TPTE: variants seen among roughly 807,000 people sequenced by gnomAD.
TPTE encodes putative tyrosine-protein phosphatase TPTE.
TPTE carries 59 observed loss-of-function variants against 84.1 expected under a neutral mutation model. The observed-to-expected ratio is 0.70, with a 90% CI of 0.57 to 0.87. The LOEUF (loss-of-function observed/expected upper bound fraction) is 0.87, where lower values mean the gene tolerates loss of function less well. Among genes scored for constraint, TPTE ranks in the 40% least tolerant of loss-of-function variants. TPTE has a pLI of 0.00. For missense variants in TPTE, 382 were observed against 659.6 expected, an observed-to-expected ratio of 0.58 and a Z score of 4.61; for synonymous variants, 130 against 223.5, an observed-to-expected ratio of 0.58 and a Z score of 3.73.
At chr21:10,592,805 G>GGTGTGT (rs4041809) in intron 19 of TPTE, among the ~76,000 whole-genome samples, 5,269 of 146,882 alleles carry the variant, frequency 0.036, 2 homozygotes, top group African/African-American at 0.097. Context: ...GATGACTCCT[G>GGTGTGT]GTGTGTGTGT....
At chr21:10,567,227 A>G (rs184524075) in intron 10 of TPTE, among the ~76,000 whole-genome samples, 41 of 152,372 alleles carry the variant, frequency 2.7e-4, no homozygotes, top group Non-Finnish European at 5.3e-4. Context: ...TGGGTACAAA[A>G]AAATAGAATG....
At chr21:10,576,602 T>C (rs2075156293) in intron 14 of TPTE, 1 of 152,602 alleles carries the variant, frequency 6.6e-6, no homozygotes. Flanking sequence ...TGGATGACTT[T>C]GATACCTTCA....
rs747052772 is a variant in TPTE at position 10,605,379 on chromosome 21, C to T, written c.1521-38C>T. On this transcript the variant is annotated intron_variant, in intron 23 of 23. Coordinates refer to ENST00000618007, the MANE Select transcript of TPTE (RefSeq NM_199261.4). ...CCCAACTGTGTGGCTTTTCAGTGAG[C>T]CCCAATATAAAATGTAATAATTTTT... 5.0e-6 allele frequency: 8 copies of T among 1,605,956 alleles called. No individual in the cohort carries two copies. In the South Asian group the frequency reaches 7.8e-5, roughly 16 times the overall value.
At chr21:10,575,112 G>A (rs1347418745) in intron 14 of TPTE, among the ~76,000 whole-genome samples, 14 of 152,292 alleles carry the variant, frequency 9.2e-5, no homozygotes, top group African/African-American at 2.4e-4. Flanking sequence ...CTGAGTTCCC[G>A]GGGAGGTGGC....
chr21:10,557,196 GTTGC>G (rs1568971478), intron 8 of TPTE, among the ~76,000 whole-genome samples: 13 of 152,308 alleles, frequency 8.5e-5, no homozygotes, highest in Non-Finnish European at 1.9e-4. Flanking sequence ...TATGCTTCGT[GTTGC>G]TTCATGTTGG....
intron 9 of TPTE, among the ~76,000 whole-genome samples, chr21:10,560,340 A>G (rs2145673905): frequency 6.6e-6 from 1 of 152,426 alleles, no homozygotes; most frequent in South Asian, 2.1e-4. Flanking sequence ...TTCCTTTTGA[A>G]TTAATAATAT....
At chr21:10,547,890 G>A (rs1371474786) in intron 7 of TPTE, among the ~76,000 whole-genome samples, 3 of 152,304 alleles carry the variant, frequency 2.0e-5, no homozygotes, top group Non-Finnish European at 4.4e-5. Context: ...TCTTAAGACA[G>A]CCAAACCACT....
chr21:10,557,304 C>G (rs2074703486), intron 8 of TPTE, among the ~76,000 whole-genome samples: 1 of 152,308 alleles, frequency 6.6e-6, no homozygotes, highest in African/African-American at 2.4e-5. Flanking sequence ...CTGCACATAA[C>G]TGCTTGAAGC....
chr21:10,582,690 A>G (rs536606152), intron 17 of TPTE, among the ~76,000 whole-genome samples: 44 of 152,350 alleles, frequency 2.9e-4, no homozygotes, highest in Non-Finnish European at 5.6e-4. Flanking sequence ...CTTTTTTTCT[A>G]TTACATTTGG....
At chr21:10,538,588 G>A (rs2074309702) in intron 3 of TPTE, 93 bp from the exon 4 acceptor site, 1 of 1,576,828 alleles carries the variant, frequency 6.3e-7, no homozygotes, top group Non-Finnish European at 8.7e-7. Context: ...AACTTAACTG[G>A]TTTATGTGCA....
chr21:10,561,997 C>T (rs2145679140), intron 10 of TPTE, among the ~76,000 whole-genome samples: 1 of 152,428 alleles, frequency 6.6e-6, no homozygotes, highest in African/African-American at 2.4e-5. Flanking sequence ...CACAGAGGTG[C>T]TTATGTCACT....
chr21:10,592,426 G>A, intron 19 of TPTE, 53 bp downstream of exon 19: 1 of 1,595,974 alleles, frequency 6.3e-7, no homozygotes, highest in Non-Finnish European at 8.6e-7. Flanking sequence ...GGTTCAGATT[G>A]CCACCTGTTA....
At chr21:10,553,096 C>A (rs1333198382) in intron 8 of TPTE, among the ~76,000 whole-genome samples, 1 of 152,302 alleles carries the variant, frequency 6.6e-6, no homozygotes, top group Non-Finnish European at 1.5e-5. Flanking sequence ...TGCCTATGAG[C>A]AAATAGTATT....
At chr21:10,586,063 T>A (rs1243205368) in intron 17 of TPTE, among the ~76,000 whole-genome samples, 1 of 152,284 alleles carries the variant, frequency 6.6e-6, no homozygotes, top group African/African-American at 2.4e-5. Flanking sequence ...TTTTTACTTA[T>A]TTTTTATTTC....
intron 8 of TPTE, among the ~76,000 whole-genome samples, chr21:10,556,172 C>T (rs2074679472): frequency 6.6e-6 from 1 of 152,312 alleles, no homozygotes; most frequent in South Asian, 2.1e-4. Flanking sequence ...AGGTGTATCT[C>T]CTAATGCTAT....
intron 10 of TPTE, among the ~76,000 whole-genome samples, chr21:10,563,012 G>A (rs1310693321): frequency 6.6e-6 from 1 of 152,304 alleles, no homozygotes; most frequent in Non-Finnish European, 1.5e-5. Flanking sequence ...AGCAGCAAGA[G>A]AAAAGAAACC....
At chr21:10,574,500 C>G (rs1242605525) in intron 14 of TPTE, among the ~76,000 whole-genome samples, 1 of 152,310 alleles carries the variant, frequency 6.6e-6, no homozygotes, top group African/African-American at 2.4e-5. Flanking sequence ...TAGAGTGATG[C>G]AAGATGGCCA....
At chr21:10,546,361 T>C (rs531466055) in intron 7 of TPTE, among the ~76,000 whole-genome samples, 2 of 152,416 alleles carry the variant, frequency 1.3e-5, no homozygotes, top group East Asian at 3.9e-4. Flanking sequence ...ATCTCTCTCC[T>C]TCTCCTTGGG....
chr21:10,596,966 TAAATG>T (rs2075599958), intron 20 of TPTE, among the ~76,000 whole-genome samples: 1 of 152,294 alleles, frequency 6.6e-6, no homozygotes, highest in Non-Finnish European at 1.5e-5. Context: ...AAAACAAAAT[TAAATG>T]AAAACAAACA....
Sources: allele counts gnomAD v4.1 joint callset (sites outside exome capture counted in the v4.1 genomes callset), GRCh38; gene constraint gnomAD v4.1.1; transcripts MANE v1.5; gene names NCBI Gene and HGNC (gene_info 2026-07-23, HGNC 2026-07-21).